LTBP1: variants seen among roughly 807,000 people sequenced by gnomAD.
LTBP1 encodes latent-transforming growth factor beta-binding protein 1.
LTBP1 carries 129 observed loss-of-function variants against 207.6 expected under a neutral mutation model. That is an observed-to-expected ratio of 0.62 (90% confidence interval 0.54 to 0.72). LTBP1 has a LOEUF of 0.72. Ranked by LOEUF, LTBP1 falls within the 30% of genes least tolerant of loss-of-function variation. The pLI is 0.00. For synonymous variants in LTBP1, 963 were observed against 833.7 expected (o/e 1.16, Z -2.67); for missense variants, 2,281 against 2,217.2 (o/e 1.03, Z -0.58).
intron 7 of LTBP1, among the ~76,000 whole-genome samples, chr2:33,201,753 A>T (rs933645194): frequency 1.1e-4 from 17 of 152,318 alleles, no homozygotes; most frequent in African/African-American, 4.1e-4. Context: ...CTGGTAGTTG[A>T]TGTGGAATCC....
At chr2:33,228,056 C>T (rs12619810) in intron 9 of LTBP1, among the ~76,000 whole-genome samples, 6 of 151,942 alleles carry the variant, frequency 3.9e-5, no homozygotes, top group South Asian at 2.1e-4. Flanking sequence ...CCGCCCGCCT[C>T]GGCCTCCCAA....
chr2:33,022,548 C>G (rs1162688474), intron 3 of LTBP1, among the ~76,000 whole-genome samples: 3 of 152,128 alleles, frequency 2.0e-5, no homozygotes, highest in African/African-American at 2.4e-5. Context: ...TTATTAAACC[C>G]ATTTTACAGA....
intron 2 of LTBP1, among the ~76,000 whole-genome samples, chr2:32,994,550 T>A (rs1475912525): frequency 6.6e-6 from 1 of 150,630 alleles, no homozygotes; most frequent in Non-Finnish European, 1.5e-5. Flanking sequence ...CACAGCAACC[T>A]CTGCCTCTCA....
chr2:32,995,529 C>T (rs1685125976), intron 2 of LTBP1, among the ~76,000 whole-genome samples: 1 of 152,274 alleles, frequency 6.6e-6, no homozygotes, highest in East Asian at 1.9e-4. Flanking sequence ...CGCCTGTAAT[C>T]CCAAGACTTT....
At chr2:33,382,243 C>T (rs566153284) in intron 31 of LTBP1, among the ~76,000 whole-genome samples, 16 of 151,616 alleles carry the variant, frequency 1.1e-4, no homozygotes, top group Admixed American at 3.3e-4. Flanking sequence ...TACAGGTGCA[C>T]GCCACCACGC....
At chr2:33,050,341 G>T (rs554795057) in intron 3 of LTBP1, among the ~76,000 whole-genome samples, 1 of 152,132 alleles carries the variant, frequency 6.6e-6, no homozygotes, top group East Asian at 1.9e-4. Context: ...TATGGGTTGA[G>T]ATGTATCTAT....
chr2:33,228,483 A>G (rs866818843), intron 9 of LTBP1, among the ~76,000 whole-genome samples: 1 of 152,098 alleles, frequency 6.6e-6, no homozygotes, highest in African/African-American at 2.4e-5. Flanking sequence ...AACTTATGCT[A>G]TCAACCGTCT....
chr2:33,099,512 G>T (rs1339185967), intron 3 of LTBP1, among the ~76,000 whole-genome samples: 1 of 152,174 alleles, frequency 6.6e-6, no homozygotes, highest in Non-Finnish European at 1.5e-5. Context: ...AGTTCTTGAT[G>T]TGCTAGTTGA....
chr2:33,042,454 G>C (rs911781552), intron 3 of LTBP1, among the ~76,000 whole-genome samples: 1 of 152,152 alleles, frequency 6.6e-6, no homozygotes, highest in Non-Finnish European at 1.5e-5. Flanking sequence ...AGAGAAATAG[G>C]AGCCAAAAAG....
chr2:33,293,995 C>CTTTT (rs71409607), intron 20 of LTBP1, among the ~76,000 whole-genome samples: 656 of 48,836 alleles, frequency 0.013, 204 homozygotes, highest in African/African-American at 0.048. Context: ...TGGTACAGGT[C>CTTTT]TTTTTTTTTT....
chr2:32,955,912 T>C (rs1329046614), intron 2 of LTBP1, among the ~76,000 whole-genome samples: 1 of 152,190 alleles, frequency 6.6e-6, no homozygotes, highest in African/African-American at 2.4e-5. Flanking sequence ...ACCTCAGATA[T>C]GGAGGGTTCA....
chr2:33,109,865 A>C (rs924119969), intron 3 of LTBP1, among the ~76,000 whole-genome samples: 3 of 152,220 alleles, frequency 2.0e-5, no homozygotes, highest in Admixed American at 6.5e-5. Flanking sequence ...AGATTAGGTA[A>C]CTGAGGCTTA....
In LTBP1 at chr2:33,364,342, C is replaced by A. The variant is rs747791186; in HGVS notation, c.4526C>A (p.Pro1509Gln). 1 of 1,613,236 alleles carries A rather than the reference C, an allele frequency of 6.2e-7. No homozygotes were observed. Among genetic ancestry groups the A allele is most frequent in the Non-Finnish European group, 8.5e-7 (1 of 1,179,754 alleles). ...LDASEKRCIR[P>Q]AESNEQIEET... ...GCGTCAGAAAAAAGATGTATACGAC[C>A]GGCTGAGTCAAACGGTATGTTTCCA... Residue 1509 changes from proline to glutamine, a missense_variant, in exon 30 of 34, where the codon CCG becomes CAG. Coordinates refer to ENST00000404816, the MANE Select transcript of LTBP1 (RefSeq NM_206943.4).
At chr2:33,198,264 G>C (rs987976262) in intron 7 of LTBP1, among the ~76,000 whole-genome samples, 73 of 152,272 alleles carry the variant, frequency 4.8e-4, no homozygotes, top group African/African-American at 1.4e-3. Flanking sequence ...GATCATGGTG[G>C]ATAAGCTTTT....
intron 12 of LTBP1, among the ~76,000 whole-genome samples, chr2:33,258,255 G>A (rs1392764444): frequency 6.6e-6 from 1 of 152,212 alleles, no homozygotes; most frequent in Non-Finnish European, 1.5e-5. Flanking sequence ...TTACAAAGAT[G>A]TTCACCTCAG....
intron 29 of LTBP1, among the ~76,000 whole-genome samples, 155 bp downstream of exon 29, chr2:33,363,673 A>C (rs1021976143): frequency 2.0e-5 from 3 of 152,250 alleles, no homozygotes; most frequent in Non-Finnish European, 2.9e-5. Flanking sequence ...GCACAATTGA[A>C]GAAAATAAAA....
intron 24 of LTBP1, among the ~76,000 whole-genome samples, chr2:33,340,832 A>G (rs112911277): frequency 4.9e-4 from 74 of 152,312 alleles, no homozygotes; most frequent in African/African-American, 1.7e-3. Flanking sequence ...AATGTTATTA[A>G]TATTATTCAT....
chr2:33,295,950 C>T (rs2093866748), intron 20 of LTBP1, among the ~76,000 whole-genome samples: 1 of 152,156 alleles, frequency 6.6e-6, no homozygotes, highest in Non-Finnish European at 1.5e-5. Context: ...TGGATCTTGG[C>T]CACTCCTAGT....
At chr2:33,178,624 T>A (rs1000524903) in intron 5 of LTBP1, among the ~76,000 whole-genome samples, 2 of 152,214 alleles carry the variant, frequency 1.3e-5, no homozygotes, top group African/African-American at 4.8e-5. Context: ...TACCTGGTAT[T>A]TGATAGGTGG....
Sources: allele counts gnomAD v4.1 joint callset (sites outside exome capture counted in the v4.1 genomes callset), GRCh38; gene constraint gnomAD v4.1.1; transcripts MANE v1.5; gene names NCBI Gene and HGNC (gene_info 2026-07-23, HGNC 2026-07-21).